The following HNF4G variants were observed in gnomAD, a reference collection of about 807,000 sequenced individuals.
The protein encoded by HNF4G is hepatocyte nuclear factor 4 gamma.
In HNF4G, 21 loss-of-function variants were observed where a neutral mutation model predicts 50.9. That is an observed-to-expected ratio of 0.41 (90% CI 0.29 to 0.59). The LOEUF is 0.59. HNF4G is among the 20% of genes least tolerant of loss of function. The probability of loss-of-function intolerance (pLI) is 0.26; values close to 1 mark genes in which losing one functional copy is unlikely to be tolerated. For missense variants in HNF4G, 527 were observed against 559.4 expected, an observed-to-expected ratio of 0.94 and a Z score of 0.58; for synonymous variants, 198 against 185.6, an observed-to-expected ratio of 1.07 and a Z score of -0.54.
At chr8:75,534,964 C>A (rs1383949123), upstream of HNF4G, among the ~76,000 whole-genome samples, 1 of 138,270 alleles carries the variant, frequency 7.2e-6, no homozygotes, top group East Asian at 1.9e-4. Context: ...AAAATAATAT[C>A]AAAATTAGAA....
chr8:75,479,425 A>G (rs1293158941), intron 1 of HNF4G, among the ~76,000 whole-genome samples: 2 of 152,222 alleles, frequency 1.3e-5, no homozygotes, highest in African/African-American at 4.8e-5. Flanking sequence ...TAAAATTTTT[A>G]GTAATCAAAT....
chr8:75,517,354 G>A (rs1208416977), intron 2 of HNF4G, among the ~76,000 whole-genome samples: 1 of 152,018 alleles, frequency 6.6e-6, no homozygotes, highest in Non-Finnish European at 1.5e-5. Flanking sequence ...TCTCATTTCA[G>A]CATTAACTCA....
At position 75,566,354 on chromosome 8, in the gene HNF4G, A is replaced by T. The variant is rs1203907529; in HGVS notation, c.*2258A>T. 1 of 152,286 alleles carries T rather than the reference A, an allele frequency of 6.6e-6. No individual in the cohort carries two copies. Among genetic ancestry groups the T allele is most frequent in the Non-Finnish European group, 1.5e-5 (1 of 68,026 alleles). The allele number at this position is 152,286 out of a possible 1,614,324, so 9.4% of individuals were successfully genotyped here. A position where few individuals can be genotyped will look rare whatever the true frequency, so the allele number is the denominator to read the frequency against. On this transcript the variant is annotated 3_prime_UTR_variant, in exon 10 of 10. Transcript: ENST00000396423. ...AGGTGTCAGCATGTGAATTTTGGAA[A>T]ACACAAAAATTCAGAACATAGCAAA...
At chr8:75,428,923 A>T (rs977682860) in intron 1 of HNF4G, among the ~76,000 whole-genome samples, 3 of 152,166 alleles carry the variant, frequency 2.0e-5, no homozygotes, top group Admixed American at 2.0e-4. Flanking sequence ...GCAAAAGTAG[A>T]TACGGGAAGA....
In HNF4G at chr8:75,492,913, G is replaced by C. The variant is rs537807943; in HGVS notation, c.-24+2705G>C. Among the ~76,000 whole-genome samples, 5 of 152,186 alleles carry C rather than the reference G, an allele frequency of 3.3e-5. No homozygotes were observed. In the East Asian group the frequency reaches 9.7e-4, roughly 29 times the overall value. ...CCCTTTTTGGAGCAGGGAGAGTGCAGTTCTCTGAACAATAAGATTGGTTTG... is the reference window on the plus strand; with the variant it reads ...CCCTTTTTGGAGCAGGGAGAGTGCACTTCTCTGAACAATAAGATTGGTTTG... On this transcript the variant is annotated intron_variant, in intron 2 of 10. Transcript: ENST00000354370.
intron 1 of HNF4G, among the ~76,000 whole-genome samples, chr8:75,470,267 T>C (rs1395852247): frequency 6.6e-6 from 1 of 152,162 alleles, no homozygotes; most frequent in Non-Finnish European, 1.5e-5. Context: ...TATAAAAGCA[T>C]TAAAAGATCC....
At chr8:75,517,972 C>A (rs1261856631) in intron 2 of HNF4G, among the ~76,000 whole-genome samples, 1 of 130,330 alleles carries the variant, frequency 7.7e-6, no homozygotes. Flanking sequence ...AGGTTCTAAA[C>A]CTCAATTCTT....
intron 1 of HNF4G, among the ~76,000 whole-genome samples, chr8:75,414,445 T>C (rs1810581403): frequency 6.6e-6 from 1 of 152,164 alleles, no homozygotes; most frequent in African/African-American, 2.4e-5. Context: ...TTTTGATATA[T>C]GTATATACCC....
intron 1 of HNF4G, among the ~76,000 whole-genome samples, chr8:75,449,567 G>A (rs1436745349): frequency 1.3e-5 from 2 of 148,268 alleles, no homozygotes; most frequent in Admixed American, 1.3e-4. Context: ...AGTGCAGTGG[G>A]GCGATCTCGG....
intron 1 of HNF4G, among the ~76,000 whole-genome samples, chr8:75,464,146 T>G (rs959388465): frequency 7.2e-5 from 11 of 152,116 alleles, no homozygotes; most frequent in African/African-American, 2.7e-4. Context: ...CTGAGTCACA[T>G]AGTGTACTAT....
intron 1 of HNF4G, among the ~76,000 whole-genome samples, chr8:75,443,319 T>C (rs1354890082): frequency 6.6e-6 from 1 of 152,194 alleles, no homozygotes. Flanking sequence ...GACACTTAAC[T>C]ATTTTAATCA....
chr8:75,423,109 A>G (rs1050232832), intron 1 of HNF4G, among the ~76,000 whole-genome samples: 2 of 152,038 alleles, frequency 1.3e-5, no homozygotes, highest in Non-Finnish European at 2.9e-5. Context: ...TTGACCTCCT[A>G]TTCCATAAAC....
chr8:75,486,232 A>T (rs1812493763), intron 1 of HNF4G, among the ~76,000 whole-genome samples: 1 of 152,190 alleles, frequency 6.6e-6, no homozygotes, highest in South Asian at 2.1e-4. Flanking sequence ...GTCCTTCCTA[A>T]GGACATTGTC....
At chr8:75,417,499 A>G (rs1285152405) in intron 1 of HNF4G, among the ~76,000 whole-genome samples, 1 of 152,240 alleles carries the variant, frequency 6.6e-6, no homozygotes, top group Non-Finnish European at 1.5e-5. Flanking sequence ...AATAGGAACC[A>G]AGGCCATTCG....
chr8:75,522,075 T>C (rs973082692), intron 2 of HNF4G, among the ~76,000 whole-genome samples: 10 of 152,262 alleles, frequency 6.6e-5, no homozygotes, highest in Non-Finnish European at 1.2e-4. Context: ...ACATTTGTAC[T>C]TTGTTATTAG....
intron 1 of HNF4G, among the ~76,000 whole-genome samples, chr8:75,426,049 G>A (rs1358819277): frequency 6.6e-6 from 1 of 152,130 alleles, no homozygotes; most frequent in Non-Finnish European, 1.5e-5. Flanking sequence ...TTTAAAAGGA[G>A]ATAGATCAAA....
intron 1 of HNF4G, among the ~76,000 whole-genome samples, chr8:75,470,487 G>A (rs1022159923): frequency 1.3e-5 from 2 of 151,906 alleles, no homozygotes; most frequent in Non-Finnish European, 2.9e-5. Flanking sequence ...TTCCTTTAAG[G>A]ATCATCATTT....
chr8:75,422,154 G>A (rs1470035981), intron 1 of HNF4G, among the ~76,000 whole-genome samples: 3 of 152,086 alleles, frequency 2.0e-5, no homozygotes, highest in East Asian at 1.9e-4. Context: ...TGTGAGGGGC[G>A]GGGAAATAGG....
intron 2 of HNF4G, among the ~76,000 whole-genome samples, chr8:75,505,951 T>A (rs1040031828): frequency 6.6e-6 from 1 of 152,016 alleles, no homozygotes; most frequent in Non-Finnish European, 1.5e-5. Flanking sequence ...AGAAATGACA[T>A]CTCTAGAGTT....
Sources: allele counts gnomAD v4.1 joint callset (sites outside exome capture counted in the v4.1 genomes callset), GRCh38; gene constraint gnomAD v4.1.1; transcripts MANE v1.5; gene names NCBI Gene and HGNC (gene_info 2026-07-23, HGNC 2026-07-21).